TOMM40: variants seen among roughly 807,000 people sequenced by gnomAD.
The protein encoded by TOMM40 is mitochondrial import receptor subunit TOM40 homolog.
A neutral mutation model predicts 38.4 loss-of-function variants in TOMM40; 9 were observed. The ratio of observed to expected loss-of-function variants is 0.23; its 90% CI spans 0.14 to 0.41. TOMM40 has a LOEUF of 0.41. Among genes scored for constraint, TOMM40 ranks in the 10% least tolerant of loss-of-function variants. TOMM40 has a pLI of 1.00. For missense variants in TOMM40, 299 were observed against 486.5 expected, an observed-to-expected ratio of 0.61 and a Z score of 3.63; for synonymous variants, 184 against 210.0, an observed-to-expected ratio of 0.88 and a Z score of 1.07.
In TOMM40 at chr19:44,903,266, T is replaced by TGA; in HGVS notation, c.*97_*98insGA. 3 of 1,206,664 alleles carry TGA rather than the reference T, an allele frequency of 2.5e-6. No individual in the cohort carries two copies. Among genetic ancestry groups the TGA allele is most frequent in the Non-Finnish European group, 3.3e-6 (3 of 906,866 alleles). 74.7% of individuals were successfully genotyped at this position (1,206,664 alleles called of 1,614,324 possible). On this transcript the variant is annotated 3_prime_UTR_variant, in exon 9 of 9. Coordinates refer to ENST00000426677, the MANE Select transcript of TOMM40 (RefSeq NM_001128917.2). ...GAGACCTGAGCCCCCCTCCCTTCCC[T>TGA]CCCCCCTTGGGGGTCGGGGGGGACA...
chr19:44,899,889 C>T (rs1969647099), intron 5 of TOMM40, among the ~76,000 whole-genome samples: 1 of 147,528 alleles, frequency 6.8e-6, no homozygotes, highest in Non-Finnish European at 1.5e-5. Context: ...GCAATCCTCC[C>T]TTCTCAGCCT....
intron 8 of TOMM40, chr19:44,901,580 C>T (rs1457709263): frequency 8.4e-6 from 7 of 828,904 alleles, no homozygotes; most frequent in Non-Finnish European, 1.1e-5. Context: ...ACTAAAAATA[C>T]AAAAACAAAA....
intron 5 of TOMM40, 90 bp from the exon 6 acceptor site, chr19:44,900,640 C>T (rs1599944305): frequency 6.2e-7 from 1 of 1,604,622 alleles, no homozygotes. Context: ...GCCCAAGCCT[C>T]CAGCCGGGGT....
chr19:44,896,856 A>T (rs188605845), intron 5 of TOMM40, among the ~76,000 whole-genome samples: 6 of 152,248 alleles, frequency 3.9e-5, no homozygotes, highest in Non-Finnish European at 8.8e-5. Flanking sequence ...GGAGTTCAAG[A>T]TCAGCCTGGG....
At chr19:44,894,359 T>G (rs1337342793) in intron 5 of TOMM40, among the ~76,000 whole-genome samples, 3 of 150,032 alleles carry the variant, frequency 2.0e-5, no homozygotes, top group Non-Finnish European at 2.9e-5. Flanking sequence ...TCTCCTGGGT[T>G]CATGCAATTC....
rs1003728504 is a variant in TOMM40 at position 44,897,982 on chromosome 19, C to G, written c.644-2748C>G. 2.0e-5 allele frequency among the ~76,000 whole-genome samples: 3 copies of G among 152,142 alleles called. No homozygotes were observed. In the East Asian group the frequency reaches 5.8e-4, roughly 29 times the overall value. ...CGGGGATTCATTTGCTTCATCTCCT[C>G]TGGGAAGGAGAGTCACACAGTCGCT... is the stretch of plus-strand genomic sequence containing the variant. On this transcript the variant is annotated intron_variant, in intron 5 of 8. Transcript: ENST00000426677.
rs1324879695 is a variant in TOMM40 at position 44,891,544 on chromosome 19, C to T, written c.129C>T (p.Ser43=). The change falls in exon 1 of 9, where the codon AGC becomes AGT. Residue 43 remains serine, a synonymous_variant. Coordinates refer to ENST00000426677, the MANE Select transcript of TOMM40 (RefSeq NM_001128917.2). The part of the protein sequence containing the change: ...PGFTLPPLGG[S]LGAGTSTSRS... Reference sequence around the variant, plus strand: ...TCACGCTGCCGCCGCTGGGAGGCAGCCTGGGCGCCGGCACCAGTACGAGTC... The same window carrying T: ...TCACGCTGCCGCCGCTGGGAGGCAGTCTGGGCGCCGGCACCAGTACGAGTC... 3.7e-5 allele frequency: 53 copies of T among 1,418,764 alleles called. No homozygotes were observed. The highest frequency in any genetic ancestry group is 4.4e-5 in the Non-Finnish European group (48 of 1,083,364). 87.9% of individuals were successfully genotyped at this position (1,418,764 alleles called of 1,614,324 possible). A position where few individuals can be genotyped will look rare whatever the true frequency, so the allele number is the denominator to read the frequency against.
intron 5 of TOMM40, among the ~76,000 whole-genome samples, chr19:44,900,288 G>C (rs1051764588): frequency 6.6e-6 from 1 of 152,104 alleles, no homozygotes. Flanking sequence ...GGCAGGGCTG[G>C]GATTCGAACC....
Position 44,892,948 on chromosome 19 carries a change from C to G in TOMM40, c.435+19C>G, listed in dbSNP as rs774921548. On this transcript the variant is annotated intron_variant, in intron 3 of 8. Coordinates refer to ENST00000426677, the MANE Select transcript of TOMM40 (RefSeq NM_001128917.2). The stretch of plus-strand genomic sequence containing the variant: ...CACAGAGGTGAGCTTCCTTTTTCAT[C>G]CATTCATTGTATCCTTCTAATAACA... 45 of 1,596,020 alleles carry G rather than the reference C, an allele frequency of 2.8e-5. No individual in the cohort carries two copies. In the Admixed American group the frequency reaches 7.1e-4, roughly 25 times the overall value.
rs1229948410 is a variant in TOMM40 at position 44,891,307 on chromosome 19, C to A, written c.-109C>A. On this transcript the variant is annotated 5_prime_UTR_variant, in exon 1 of 9. Transcript: ENST00000426677. ...CGGAGCCCAGGCCGGGAGCAGGCGCCGCCGCCAGTGAGAACCGGGGCCGGA... is the reference window on the plus strand; with the variant it reads ...CGGAGCCCAGGCCGGGAGCAGGCGCAGCCGCCAGTGAGAACCGGGGCCGGA... 8.3e-7 allele frequency: 1 copy of A among 1,203,438 alleles called. No individual in the cohort carries two copies. Among genetic ancestry groups the A allele is most frequent in the Non-Finnish European group, 1.0e-6 (1 of 968,890 alleles). The allele number at this position is 1,203,438 out of a possible 1,614,324, so 74.5% of individuals were successfully genotyped here.
At position 44,895,691 on chromosome 19, in the gene TOMM40, C is replaced by T. The variant is rs531455078; in HGVS notation, c.643+1625C>T. Among the ~76,000 whole-genome samples the T allele has an allele frequency of 1.1e-3, 166 of 152,160 alleles. 3 individuals are homozygous for T. The South Asian group carries it at 0.033, about 30-fold the overall frequency. ...TATCCCTAGTAGCTGGGACTACAGG[C>T]GCGCGCCACCATGCCTGGCTAATTT... On this transcript the variant is annotated intron_variant, in intron 5 of 8. Transcript: ENST00000426677.
chr19:44,893,011 A>G (rs995512199), intron 3 of TOMM40, 82 bp downstream of exon 3: 2 of 1,210,114 alleles, frequency 1.7e-6, no homozygotes, highest in Middle Eastern at 1.9e-4. Flanking sequence ...CGGCCTCATC[A>G]GGAAAAGGTC....
At position 44,903,288 on chromosome 19, in the gene TOMM40, G is replaced by GT. The variant is rs397765392; in HGVS notation, c.*119_*120insT. ...CCCTCCCCCCTTGGGGGTCGGGGGG[G>GT]ACATTGGAAAGGAGGGACCCCGCCA... On this transcript the variant is annotated 3_prime_UTR_variant, in exon 9 of 9. Transcript: ENST00000426677. The GT allele has an allele frequency of 2.6e-6, 3 of 1,168,460 alleles. No homozygotes were observed. The highest frequency in any genetic ancestry group is 3.5e-6 in the Non-Finnish European group (3 of 853,548). The allele number at this position is 1,168,460 out of a possible 1,614,324, so 72.4% of individuals were successfully genotyped here.
Position 44,903,035 on chromosome 19 carries a change from G to A in TOMM40, c.952G>A (p.Val318Met), listed in dbSNP as rs1402637951. The A allele has an allele frequency of 2.5e-6, 4 of 1,612,926 alleles. No individual in the cohort carries two copies. The African/African-American group carries it at 4.0e-5, about 16-fold the overall frequency. The stretch of plus-strand genomic sequence containing the variant: ...ACCTCAGCTCTTCCCTGCAGGCTCT[G>A]TGGATAGCAACTGGATCGTGGGTGC... ...PKANLLFKGS[V>M]DSNWIVGATL... The change falls in exon 9 of 9, where the codon GTG (valine) becomes ATG (methionine). Residue 318 changes from valine to methionine, a missense_variant. Coordinates refer to ENST00000426677, the MANE Select transcript of TOMM40 (RefSeq NM_001128917.2).
chr19:44,899,025 GGA>G (rs1555789223), intron 5 of TOMM40, among the ~76,000 whole-genome samples: 1 of 150,764 alleles, frequency 6.6e-6, no homozygotes, highest in Non-Finnish European at 1.5e-5. Context: ...CCAGCTACTC[GGA>G]GAGGCTGAGG....
rs770731937 is a variant in TOMM40, at chr19:44,901,270, G to T, written c.906G>T (p.Gly302=). 2 of 1,613,966 alleles carry T rather than the reference G, an allele frequency of 1.2e-6. No homozygotes were observed. Among genetic ancestry groups the T allele is most frequent in the Admixed American group, 1.7e-5 (1 of 59,972 alleles). The change falls in exon 8 of 9, where the codon GGG becomes GGT. Residue 302 remains glycine, a synonymous_variant. Coordinates refer to ENST00000426677, the MANE Select transcript of TOMM40 (RefSeq NM_001128917.2). ...TGCAGGACACCAGCGTCTCCTTCGG[G>T]TACCAGCTGGACCTGCCCAAGGCCA... ...TRMQDTSVSF[G]YQLDLPKANL...
chr19:44,901,550 C>T (rs1969683987), intron 8 of TOMM40: 2 of 971,260 alleles, frequency 2.1e-6, no homozygotes, highest in Admixed American at 3.1e-5. Flanking sequence ...TCCTGGCTAA[C>T]ACGGTGAAAC....
intron 5 of TOMM40, among the ~76,000 whole-genome samples, chr19:44,896,530 A>G (rs1969568997): frequency 6.6e-6 from 1 of 152,156 alleles, no homozygotes; most frequent in South Asian, 2.1e-4. Context: ...AGGCACCCCC[A>G]TTTCACAGAT....
chr19:44,893,745 C>T, intron 3 of TOMM40, 35 bp from the exon 4 acceptor site: 1 of 1,584,002 alleles, frequency 6.3e-7, no homozygotes, highest in Non-Finnish European at 8.6e-7. Context: ...CACAGTGCAC[C>T]ACCTCTGACC....
Sources: gnomAD v4.1 joint callset for allele counts (sites outside exome capture counted in the v4.1 genomes callset) on GRCh38, gnomAD v4.1.1 for gene constraint, MANE v1.5 for transcripts, NCBI Gene and HGNC (gene_info 2026-07-23, HGNC 2026-07-21) for gene names.